The following BTAF1 variants were observed in gnomAD, a reference collection of about 807,000 sequenced individuals.
The protein encoded by BTAF1 is B-TFIID TATA-box binding protein associated factor 1.
BTAF1 carries 38 observed loss-of-function variants against 227.1 expected under a neutral mutation model. That is an observed-to-expected ratio of 0.17 (90% CI 0.13 to 0.22). The LOEUF is 0.22. Ranked by LOEUF, BTAF1 falls within the 10% of genes least tolerant of loss-of-function variation. The probability of loss-of-function intolerance (pLI) is 1.00; values close to 1 mark genes in which losing one functional copy is unlikely to be tolerated. For missense variants in BTAF1, 1,598 were observed against 2,204.0 expected (o/e 0.73, Z 5.51); for synonymous variants, 742 against 751.9 (o/e 0.99, Z 0.21).
At chr10:91,951,027 C>T (rs1221608546) in intron 4 of BTAF1, among the ~76,000 whole-genome samples, 5 of 151,888 alleles carry the variant, frequency 3.3e-5, no homozygotes, top group African/African-American at 7.3e-5. Flanking sequence ...GGTCTCCCTA[C>T]GTTGTCCAGA....
chr10:92,021,275 G>A (rs2134164678), intron 34 of BTAF1, among the ~76,000 whole-genome samples: 1 of 152,248 alleles, frequency 6.6e-6, no homozygotes, highest in South Asian at 2.1e-4. Flanking sequence ...AAAACTGTAG[G>A]TGAAATTAAT....
Position 91,940,050 on chromosome 10 carries a change from G to A in BTAF1, c.237G>A (p.Val79=), listed in dbSNP as rs201782759. Residue 79 remains valine (V), a synonymous_variant, in exon 3 of 38, where the codon GTG becomes GTA. Coordinates refer to ENST00000265990, the MANE Select transcript of BTAF1 (RefSeq NM_003972.3). The part of the protein sequence containing the change: ...IVKNVPEWNP[V]PRTRQEPTSE... The stretch of plus-strand genomic sequence containing the variant: ...AAAATGTACCTGAGTGGAATCCAGT[G>A]CCGAGAACCAGACAAGGTGCTTTTA... 4 of 1,610,680 alleles carry A rather than the reference G, an allele frequency of 2.5e-6. No individual in the cohort carries two copies. Among genetic ancestry groups the A allele is most frequent in the African/African-American group, 1.3e-5 (1 of 74,972 alleles).
At chr10:92,014,211 C>T (rs558962250) in intron 32 of BTAF1, among the ~76,000 whole-genome samples, 182 bp downstream of exon 32, 10 of 152,026 alleles carry the variant, frequency 6.6e-5, no homozygotes, top group Middle Eastern at 6.8e-3. Flanking sequence ...AAACAAAATT[C>T]AGTATCATAG....
chr10:91,955,642 A>C (rs958644981), intron 6 of BTAF1, among the ~76,000 whole-genome samples: 1 of 152,096 alleles, frequency 6.6e-6, no homozygotes, highest in Non-Finnish European at 1.5e-5. Context: ...ATCTAGGAAA[A>C]GTTTCAATAG....
At chr10:91,928,003 G>A (rs778910035) in intron 1 of BTAF1, among the ~76,000 whole-genome samples, 8 of 128,314 alleles carry the variant, frequency 6.2e-5, no homozygotes, top group Middle Eastern at 4.2e-3. Context: ...TTTTTTTGCA[G>A]TAAGGAAAAC....
At chr10:91,992,082 T>C in intron 20 of BTAF1, 37 bp from the exon 21 acceptor site, 1 of 1,500,022 alleles carries the variant, frequency 6.7e-7, no homozygotes, top group Non-Finnish European at 9.0e-7. Context: ...ATCACCAATA[T>C]TATGATTAAA....
intron 35 of BTAF1, among the ~76,000 whole-genome samples, chr10:92,025,552 A>G (rs530541771): frequency 5.6e-4 from 85 of 152,200 alleles, no homozygotes; most frequent in Non-Finnish European, 1.3e-4. Flanking sequence ...CATGCCTGTA[A>G]TCCCAGCACT....
At chr10:91,975,181 T>G (rs1442017554) in intron 14 of BTAF1, among the ~76,000 whole-genome samples, 1 of 152,222 alleles carries the variant, frequency 6.6e-6, no homozygotes, top group Non-Finnish European at 1.5e-5. Flanking sequence ...CTCAGTCACT[T>G]TGTGAGTCAT....
chr10:92,016,520 C>G (rs889737165), intron 33 of BTAF1, 55 bp downstream of exon 33: 1 of 1,442,902 alleles, frequency 6.9e-7, no homozygotes, highest in South Asian at 1.5e-5. Context: ...ACTCTGTCAT[C>G]TAGGCTAGAG....
chr10:91,991,259 AATATAAATATAAATATATAT>A (rs1848713497), intron 20 of BTAF1, among the ~76,000 whole-genome samples: 1 of 63,088 alleles, frequency 1.6e-5, no homozygotes, highest in South Asian at 5.2e-4. Flanking sequence ...AAAATATATA[AATATAAATATAAATATATAT>A]ATATATATAT....
intron 14 of BTAF1, among the ~76,000 whole-genome samples, chr10:91,978,757 G>A (rs1368833361): frequency 6.9e-6 from 1 of 145,762 alleles, no homozygotes; most frequent in Non-Finnish European, 1.5e-5. Context: ...TATCAGAAAA[G>A]TAGAGTTAAG....
In BTAF1 at chr10:92,020,908, C is replaced by A. The variant is rs1261279788; in HGVS notation, c.4863+1973C>A. Among the ~76,000 whole-genome samples the A allele has an allele frequency of 2.0e-5, 3 of 151,964 alleles. No individual in the cohort carries two copies. In the East Asian group the frequency reaches 5.8e-4, roughly 29 times the overall value. ...CCCAGCAGTTGCTAATTACATTGAT[C>A]TCTTATTTTAGAGTGTGCTTCTTGT... On this transcript the variant is annotated intron_variant, in intron 34 of 37. Coordinates refer to ENST00000265990, the MANE Select transcript of BTAF1 (RefSeq NM_003972.3).
chr10:91,947,822 T>C (rs1264981596), intron 4 of BTAF1, among the ~76,000 whole-genome samples: 1 of 152,078 alleles, frequency 6.6e-6, no homozygotes, highest in East Asian at 1.9e-4. Flanking sequence ...TATTAGTGTT[T>C]TAACAATATT....
At position 91,953,796 on chromosome 10, in the gene BTAF1, A is replaced by G; in HGVS notation, c.624A>G (p.Gln208=). 1.2e-6 allele frequency: 2 copies of G among 1,614,130 alleles called. No individual in the cohort carries two copies. The highest frequency in any genetic ancestry group is 8.5e-7 in the Non-Finnish European group (1 of 1,179,982). Residue 208 remains glutamine, a synonymous_variant, in exon 6 of 38, where the codon CAA becomes CAG. Coordinates refer to ENST00000265990, the MANE Select transcript of BTAF1 (RefSeq NM_003972.3). ...SEFRAGMSNR[Q]KNKAKRMAKL... is the part of the protein sequence containing the mutation. ...TTCGAGCAGGAATGAGCAATAGACA[A>G]AAGAACAAAGCTAAAAGAATGGCCA...
chr10:91,980,564 C>G lies in BTAF1; in HGVS notation c.1755+6C>G. The G allele has an allele frequency of 1.3e-6, 2 of 1,591,614 alleles. No homozygotes were observed. Among genetic ancestry groups the G allele is most frequent in the South Asian group, 2.2e-5 (2 of 90,274 alleles). ...TTCTGGACCTTATTCACAAGGTACACAGCAAATGTATTTGTGTTCCTTTTC... is the reference window on the plus strand; with the variant it reads ...TTCTGGACCTTATTCACAAGGTACAGAGCAAATGTATTTGTGTTCCTTTTC... On this transcript the variant is annotated splice_donor_region_variant and intron_variant, in intron 15 of 37. Coordinates refer to ENST00000265990, the MANE Select transcript of BTAF1 (RefSeq NM_003972.3).
intron 9 of BTAF1, chr10:91,959,421 T>C (rs916462130): frequency 2.0e-6 from 1 of 494,554 alleles, no homozygotes; most frequent in African/African-American, 2.0e-5. Flanking sequence ...GTGTGCTTGA[T>C]ATGAGAACAA....
chr10:91,971,403 A>G (rs924545048), intron 14 of BTAF1, among the ~76,000 whole-genome samples: 2 of 151,802 alleles, frequency 1.3e-5, no homozygotes, highest in African/African-American at 4.8e-5. Context: ...TGGTCCCCAC[A>G]TACATGCTTT....
At chr10:91,964,326 A>C in intron 13 of BTAF1, 125 bp downstream of exon 13, 3 of 1,113,718 alleles carry the variant, frequency 2.7e-6, no homozygotes, top group Non-Finnish European at 3.8e-6. Context: ...GAGATGCCAA[A>C]GACTACCGTT....
Position 91,942,424 on chromosome 10 carries a change from C to A in BTAF1, c.256C>A (p.Pro86Thr). 1.2e-6 allele frequency: 2 copies of A among 1,607,346 alleles called. No individual in the cohort carries two copies. The highest frequency in any genetic ancestry group is 1.7e-6 in the Non-Finnish European group (2 of 1,175,786). The change falls in exon 4 of 38, where the codon CCT becomes ACT. Residue 86 changes from proline to threonine, a missense_variant and splice_region_variant. By Grantham distance (38) the Pro-to-Thr change is conservative (BLOSUM62 -1). Around this residue, in one of 10 missense-constraint regions of BTAF1, gnomAD observed 298 missense variants for 395.2 expected, o/e 0.75. Transcript: ENST00000265990. ...TAATATTTTTAAACCTCATGTAGAA[C>A]CTACTTCCGAAAGTTCTATGGAAGA... is the stretch of plus-strand genomic sequence containing the variant. ...WNPVPRTRQE[P>T]TSESSMEDSP...
Sources: allele counts gnomAD v4.1 joint callset (sites outside exome capture counted in the v4.1 genomes callset), GRCh38; gene constraint gnomAD v4.1.1; regional missense constraint gnomAD v4.1.1; transcripts MANE v1.5; gene names NCBI Gene and HGNC (gene_info 2026-07-23, HGNC 2026-07-21).